SAXO1: variants seen among roughly 807,000 people sequenced by gnomAD.
The protein encoded by SAXO1 is 4930500O09Rik.
Under a neutral mutation model 17.5 loss-of-function variants are expected in SAXO1, and 21 were observed. The ratio of observed to expected loss-of-function variants is 1.20; its 90% CI spans 0.85 to 1.72. The LOEUF is 1.72. Ranked by LOEUF, SAXO1 falls within the 40% of genes most tolerant of loss-of-function variation. The pLI, the probability that SAXO1 is intolerant of heterozygous loss-of-function variation, is 0.00. For missense variants in SAXO1, 843 were observed against 596.0 expected (o/e 1.41, Z -4.32); for synonymous variants, 274 against 216.5 (o/e 1.27, Z -2.33).
chr9:18,957,086 G>A (rs376896550), intron 1 of SAXO1, among the ~76,000 whole-genome samples: 2 of 152,132 alleles, frequency 1.3e-5, no homozygotes, highest in East Asian at 3.9e-4. Context: ...AAACCTAAGG[G>A]CAGCAATAAA....
chr9:19,012,482 T>C (rs772896775), intron 1 of SAXO1, among the ~76,000 whole-genome samples: 1 of 152,218 alleles, frequency 6.6e-6, no homozygotes, highest in Non-Finnish European at 1.5e-5. Flanking sequence ...CTTTGTGGTG[T>C]TGGTATATCT....
intron 1 of SAXO1, among the ~76,000 whole-genome samples, chr9:18,983,042 G>A (rs1228433763): frequency 6.6e-6 from 1 of 152,038 alleles, no homozygotes; most frequent in Non-Finnish European, 1.5e-5. Context: ...GAGTTAGCCA[G>A]ACGGACCATT....
chr9:18,938,327 T>G (rs1831385159), intron 3 of SAXO1, among the ~76,000 whole-genome samples: 1 of 152,206 alleles, frequency 6.6e-6, no homozygotes, highest in African/African-American at 2.4e-5. Flanking sequence ...GGCTCATGGT[T>G]CTGCAGGATG....
intron 1 of SAXO1, among the ~76,000 whole-genome samples, chr9:18,979,075 G>C (rs544946536): frequency 3.3e-5 from 5 of 152,216 alleles, no homozygotes; most frequent in Admixed American, 1.3e-4. Context: ...TATATATGTT[G>C]AATCTATTCT....
intron 1 of SAXO1, among the ~76,000 whole-genome samples, chr9:19,018,249 A>G (rs1835075601): frequency 6.6e-6 from 1 of 152,074 alleles, no homozygotes; most frequent in Admixed American, 6.5e-5. Context: ...TATATCATGT[A>G]AAGTTATTTA....
chr9:19,038,721 C>T (rs1339133585), intron 1 of SAXO1, among the ~76,000 whole-genome samples: 1 of 150,800 alleles, frequency 6.6e-6, no homozygotes, highest in Non-Finnish European at 1.5e-5. Flanking sequence ...CTAACCTGCA[C>T]ATTGTGCACA....
At chr9:18,939,180 T>G (rs536598680) in intron 3 of SAXO1, among the ~76,000 whole-genome samples, 1 of 152,296 alleles carries the variant, frequency 6.6e-6, no homozygotes, top group Admixed American at 6.5e-5. Flanking sequence ...GGAAAGCGCT[T>G]ACTGCAGTTT....
At chr9:18,962,910 T>C (rs114940068) in intron 1 of SAXO1, among the ~76,000 whole-genome samples, 4,767 of 152,350 alleles carry the variant, frequency 0.031, 256 homozygotes, top group African/African-American at 0.11. Flanking sequence ...TAGCTTTTTT[T>C]CTAGGGTTTT....
chr9:18,971,667 A>T (rs980205211), intron 1 of SAXO1, among the ~76,000 whole-genome samples: 3 of 152,192 alleles, frequency 2.0e-5, no homozygotes, highest in Non-Finnish European at 4.4e-5. Flanking sequence ...AGCTGGAATG[A>T]AATTACTTCC....
chr9:18,958,451 C>G (rs1012809744), intron 1 of SAXO1, among the ~76,000 whole-genome samples: 8 of 152,012 alleles, frequency 5.3e-5, no homozygotes, highest in Non-Finnish European at 1.2e-4. Context: ...ACCAGAACTT[C>G]TGACAAGGAC....
intron 1 of SAXO1, among the ~76,000 whole-genome samples, chr9:18,983,285 G>C (rs1285323104): frequency 6.6e-6 from 1 of 152,122 alleles, no homozygotes; most frequent in African/African-American, 2.4e-5. Context: ...ATGGCAGCAG[G>C]AGACAGAGCG....
At chr9:18,951,360 T>A (rs898638951) in intron 1 of SAXO1, among the ~76,000 whole-genome samples, 3 of 152,156 alleles carry the variant, frequency 2.0e-5, no homozygotes, top group Non-Finnish European at 4.4e-5. Context: ...GGCTCTCCAA[T>A]AGGGCCAGCC....
At chr9:18,994,152 G>A (rs149965816) in intron 1 of SAXO1, among the ~76,000 whole-genome samples, 1 of 152,258 alleles carries the variant, frequency 6.6e-6, no homozygotes, top group African/African-American at 2.4e-5. Flanking sequence ...GAAAAATTCA[G>A]ACAGGTGTCA....
At chr9:18,936,291 G>C (rs1165331770) in intron 3 of SAXO1, among the ~76,000 whole-genome samples, 1 of 152,162 alleles carries the variant, frequency 6.6e-6, no homozygotes, top group Non-Finnish European at 1.5e-5. Context: ...GGCTCTATCA[G>C]CATCTTGAAA....
At chr9:19,008,805 G>A (rs1339387769) in intron 1 of SAXO1, among the ~76,000 whole-genome samples, 2 of 152,120 alleles carry the variant, frequency 1.3e-5, no homozygotes, top group Non-Finnish European at 2.9e-5. Flanking sequence ...CACTGCAGGG[G>A]ACTTTTTCCA....
Position 18,941,796 on chromosome 9 carries a change from G to C in SAXO1, c.262C>G (p.Gln88Glu). 1 of 1,614,164 alleles carries C rather than the reference G, an allele frequency of 6.2e-7. No individual in the cohort carries two copies. The highest frequency in any genetic ancestry group is 8.5e-7 in the Non-Finnish European group (1 of 1,180,034). ...PHKVAPVKVH[Q>E]YDQFVPSEEN... ...TCACTCGGGACGAACTGGTCATACT[G>C]GTGGACCTTCACTGGTGCCACTTTG... is the stretch of plus-strand genomic sequence containing the variant. The change falls in exon 3 of 4, where the codon CAG becomes GAG. Residue 88 changes from glutamine (Q) to glutamate (E), a missense_variant. Coordinates refer to ENST00000380534, the MANE Select transcript of SAXO1 (RefSeq NM_153707.4).
chr9:18,938,934 C>T (rs576128960), intron 3 of SAXO1, among the ~76,000 whole-genome samples: 3 of 151,754 alleles, frequency 2.0e-5, no homozygotes, highest in South Asian at 4.2e-4. Context: ...ATATAGACCT[C>T]CTCCATCCTT....
chr9:18,964,564 G>T (rs1207100223), intron 1 of SAXO1, among the ~76,000 whole-genome samples: 3 of 151,660 alleles, frequency 2.0e-5, no homozygotes, highest in Non-Finnish European at 3.0e-5. Context: ...TTGCAAAGAG[G>T]TATTTATGGC....
At chr9:18,962,491 G>A (rs564828462) in intron 1 of SAXO1, among the ~76,000 whole-genome samples, 1 of 152,300 alleles carries the variant, frequency 6.6e-6, no homozygotes, top group South Asian at 2.1e-4. Flanking sequence ...TTTTTGATGG[G>A]TGAATTTGTT....
Sources: allele counts gnomAD v4.1 joint callset (sites outside exome capture counted in the v4.1 genomes callset), GRCh38; gene constraint gnomAD v4.1.1; transcripts MANE v1.5; gene names NCBI Gene and HGNC (gene_info 2026-07-23, HGNC 2026-07-21).